PUS7: variants seen among roughly 807,000 people sequenced by gnomAD.
PUS7 encodes the protein pseudouridylate synthase 7 homolog.
PUS7 carries 48 observed loss-of-function variants against 79.8 expected under a neutral mutation model. The observed-to-expected ratio is 0.60, with a 90% CI of 0.48 to 0.76. The LOEUF is 0.76. PUS7 is among the 30% of genes least tolerant of loss of function. The probability of loss-of-function intolerance (pLI) is 0.00; values close to 1 mark genes in which losing one functional copy is unlikely to be tolerated. For missense variants in PUS7, 729 were observed against 797.6 expected (o/e 0.91, Z 1.04); for synonymous variants, 286 against 272.2 (o/e 1.05, Z -0.50).
chr7:105,464,823 T>C (rs1385466407), intron 13 of PUS7, among the ~76,000 whole-genome samples: 1 of 149,272 alleles, frequency 6.7e-6, no homozygotes, highest in Non-Finnish European at 1.5e-5. Context: ...CTTTTTTTTT[T>C]TTTTTTTTTT....
chr7:105,512,453 T>C (rs577875930), intron 1 of PUS7, among the ~76,000 whole-genome samples: 1 of 152,222 alleles, frequency 6.6e-6, no homozygotes, highest in Admixed American at 6.5e-5. Context: ...GAGAACACAC[T>C]GAAGACAAAA....
At chr7:105,489,435 C>T (rs1824696572) in intron 7 of PUS7, among the ~76,000 whole-genome samples, 1 of 152,116 alleles carries the variant, frequency 6.6e-6, no homozygotes, top group Non-Finnish European at 1.5e-5. Flanking sequence ...TCTCCACTCT[C>T]TTTCAAGCTC....
chr7:105,476,042 T>C (rs1333120405), intron 9 of PUS7, among the ~76,000 whole-genome samples: 6 of 148,086 alleles, frequency 4.1e-5, no homozygotes, highest in African/African-American at 7.5e-5. Flanking sequence ...TTAAATCACT[T>C]GAGCCCAGAA....
At chr7:105,488,519 C>T (rs1824644925) in intron 7 of PUS7, among the ~76,000 whole-genome samples, 1 of 152,172 alleles carries the variant, frequency 6.6e-6, no homozygotes, top group Non-Finnish European at 1.5e-5. Context: ...CTAAGTTTAT[C>T]TTAATGAAGT....
At chr7:105,482,541 C>T in intron 7 of PUS7, 101 bp from the exon 8 acceptor site, 15 of 1,257,200 alleles carry the variant, frequency 1.2e-5, no homozygotes, top group Non-Finnish European at 1.6e-5. Context: ...CAAGATACAG[C>T]ACACCTATGA....
intron 12 of PUS7, among the ~76,000 whole-genome samples, chr7:105,466,076 T>C (rs1405426719): frequency 6.6e-6 from 1 of 151,704 alleles, no homozygotes; most frequent in East Asian, 2.0e-4. Context: ...GAGGATCACC[T>C]GAGCCTGGCA....
At chr7:105,511,580 G>A (rs550504203) in intron 1 of PUS7, among the ~76,000 whole-genome samples, 1 of 151,476 alleles carries the variant, frequency 6.6e-6, no homozygotes, top group East Asian at 2.0e-4. Flanking sequence ...TGGCCAACAT[G>A]GTGAAACCCC....
At chr7:105,481,257 T>G in intron 8 of PUS7, 80 bp from the exon 9 acceptor site, 1 of 1,321,252 alleles carries the variant, frequency 7.6e-7, no homozygotes, top group Non-Finnish European at 1.0e-6. Flanking sequence ...GACTACGGCC[T>G]GGCTTCCAAG....
intron 5 of PUS7, among the ~76,000 whole-genome samples, chr7:105,498,132 G>A (rs771178272): frequency 1.6e-4 from 25 of 152,172 alleles, no homozygotes; most frequent in Non-Finnish European, 2.9e-4. Context: ...CAAGCACTGA[G>A]CATGCATACA....
intron 1 of PUS7, among the ~76,000 whole-genome samples, chr7:105,516,349 C>T (rs117389009): frequency 0.011 from 1,653 of 152,246 alleles, 23 homozygotes; most frequent in Non-Finnish European, 0.019. Context: ...AGCATATTTA[C>T]TAGAAGAACT....
intron 9 of PUS7, among the ~76,000 whole-genome samples, chr7:105,479,770 G>T (rs945115183): frequency 6.6e-6 from 1 of 152,122 alleles, no homozygotes; most frequent in African/African-American, 2.4e-5. Flanking sequence ...GGCCAAGACG[G>T]GCAGATCACT....
intron 14 of PUS7, among the ~76,000 whole-genome samples, chr7:105,459,729 G>A (rs926782236): frequency 3.3e-5 from 5 of 151,998 alleles, no homozygotes; most frequent in Admixed American, 3.3e-4. Flanking sequence ...GAGCCACTGT[G>A]CCTGAATATA....
intron 6 of PUS7, among the ~76,000 whole-genome samples, chr7:105,494,705 G>A (rs1824934405): frequency 1.3e-5 from 2 of 151,978 alleles, no homozygotes; most frequent in Admixed American, 1.3e-4. Context: ...ACTGCGCCAG[G>A]CCGATCGGCA....
chr7:105,470,209 T>G (rs1160969167), intron 11 of PUS7: 2 of 152,386 alleles, frequency 1.3e-5, no homozygotes, highest in African/African-American at 2.4e-5. Flanking sequence ...AACTTTAACT[T>G]TGTTGCTCAG....
At chr7:105,496,993 A>AGCT in intron 5 of PUS7, 1 of 1,192,898 alleles carries the variant, frequency 8.4e-7, no homozygotes, top group Non-Finnish European at 1.1e-6. Flanking sequence ...CACAGCATAA[A>AGCT]GAGCACAAAA....
intron 15 of PUS7, 35 bp from the exon 16 acceptor site, chr7:105,457,961 A>G (rs1394112377): frequency 1.2e-6 from 2 of 1,607,580 alleles, no homozygotes; most frequent in Non-Finnish European, 8.5e-7. Context: ...CAGAAAATGA[A>G]GGCAGCTGCA....
rs369144601 is a variant in PUS7, at chr7:105,491,637, A to G, written c.843-20T>C. On this transcript the variant is annotated intron_variant, in intron 6 of 15. Transcript: ENST00000469408. ...TTGACTCTGGTAAGAGAGAAACAAG[A>G]TCATCTGAAGTCACATACTGTAATA... 2.5e-5 allele frequency: 35 copies of G among 1,427,030 alleles called. No individual in the cohort carries two copies. Among genetic ancestry groups the G allele is most frequent in the Non-Finnish European group, 3.3e-5 (33 of 1,014,818 alleles). 88.4% of individuals were successfully genotyped at this position (1,427,030 alleles called of 1,614,324 possible).
At chr7:105,465,461 G>T in intron 12 of PUS7, 47 bp from the exon 13 acceptor site, 1 of 1,333,270 alleles carries the variant, frequency 7.5e-7, no homozygotes. Flanking sequence ...AGGCAATATT[G>T]TTATGAACTC....
rs75248059 is a variant in PUS7, at chr7:105,516,241, G to A, written c.-33+5811C>T. Reference sequence around the variant, plus strand: ...ATTACAGGCATGAGCCACCGCACCCGGCCCAAATTAATTATTAAAGTATAT... The same window carrying A: ...ATTACAGGCATGAGCCACCGCACCCAGCCCAAATTAATTATTAAAGTATAT... On this transcript the variant is annotated intron_variant, in intron 1 of 15. Transcript: ENST00000469408. 5.6e-3 allele frequency among the ~76,000 whole-genome samples: 844 copies of A among 152,040 alleles called. 14 individuals carry two copies. The highest frequency in any genetic ancestry group is 0.037 in the East Asian group (193 of 5,168).
Sources: gnomAD v4.1 joint callset for allele counts (sites outside exome capture counted in the v4.1 genomes callset) on GRCh38, gnomAD v4.1.1 for gene constraint, MANE v1.5 for transcripts, NCBI Gene and HGNC (gene_info 2026-07-23, HGNC 2026-07-21) for gene names.